KCNIP1: variants seen among roughly 807,000 people sequenced by gnomAD.
KCNIP1 encodes the protein potassium voltage-gated channel interacting protein 1.
KCNIP1 carries 18 observed loss-of-function variants against 33.0 expected under a neutral mutation model. The observed-to-expected ratio is 0.55, with a 90% confidence interval of 0.38 to 0.81. The LOEUF (loss-of-function observed/expected upper bound fraction) is 0.81, where lower values mean the gene tolerates loss of function less well. Among genes scored for constraint, KCNIP1 ranks in the 30% least tolerant of loss-of-function variants. The pLI, the probability that KCNIP1 is intolerant of heterozygous loss-of-function variation, is 0.00. For synonymous variants in KCNIP1, 93 were observed against 98.3 expected (o/e 0.95, Z 0.32); for missense variants, 238 against 271.6 (o/e 0.88, Z 0.87).
In KCNIP1 at chr5:170,725,486, A is replaced by G. The variant is rs143561867; in HGVS notation, c.435+2666A>G. ...CTAAAAATCAAAACAATATGAAGAT[A>G]GAGGGCAGAAGGACGGTTACCAGAG... On this transcript the variant is annotated intron_variant, in intron 5 of 7. Coordinates refer to ENST00000328939, the MANE Select transcript of KCNIP1 (RefSeq NM_014592.4). Among the ~76,000 whole-genome samples, 511 of 152,296 alleles carry G rather than the reference A, an allele frequency of 3.4e-3. 3 individuals are homozygous for G. The highest frequency in any genetic ancestry group is 0.012 in the African/African-American group (489 of 41,566).
chr5:170,649,339 T>C (rs576703675), intron 1 of KCNIP1, among the ~76,000 whole-genome samples: 25 of 152,268 alleles, frequency 1.6e-4, no homozygotes, highest in Admixed American at 4.6e-4. Context: ...TACTATCAAG[T>C]GGTTTTCTCA....
At chr5:170,683,889 AGTGTATGTGTGTGTGTGT>A (rs147671249) in intron 1 of KCNIP1, among the ~76,000 whole-genome samples, 38,205 of 124,534 alleles carry the variant, frequency 0.31, 5,049 homozygotes, top group South Asian at 0.47. Context: ...ATGCCCAGCT[AGTGTATGTGTGTGTGTGT>A]GTGTGTGTGT....
At chr5:170,675,020 G>T (rs1762075612) in intron 1 of KCNIP1, among the ~76,000 whole-genome samples, 1 of 151,880 alleles carries the variant, frequency 6.6e-6, no homozygotes, top group African/African-American at 2.4e-5. Flanking sequence ...AATTGCTCTG[G>T]GCTGGGTACA....
At chr5:170,693,172 T>C (rs1390432422) in intron 1 of KCNIP1, among the ~76,000 whole-genome samples, 1 of 152,160 alleles carries the variant, frequency 6.6e-6, no homozygotes, top group East Asian at 1.9e-4. Context: ...CCCATCCCAC[T>C]CCCTCGCCCT....
intron 1 of KCNIP1, among the ~76,000 whole-genome samples, chr5:170,408,043 T>C (rs1050776128): frequency 6.6e-6 from 1 of 152,210 alleles, no homozygotes; most frequent in Admixed American, 6.5e-5. Flanking sequence ...TAATAGTTTT[T>C]AGCTTCTAGA....
chr5:170,595,598 A>G lies in KCNIP1; in HGVS notation c.61+90965A>G, dbSNP rs114345209. 4.1e-3 allele frequency among the ~76,000 whole-genome samples: 617 copies of G among 152,296 alleles called. 8 individuals are homozygous for G. Among genetic ancestry groups the G allele is most frequent in the African/African-American group, 0.014 (584 of 41,560 alleles). ...ATGGCCTTGAGTGCGTAGGTTTCAG[A>G]ATGTGGGAAGAAGGGGCAAGGAGAA... On this transcript the variant is annotated intron_variant, in intron 1 of 7. Coordinates refer to ENST00000328939, the MANE Select transcript of KCNIP1 (RefSeq NM_014592.4).
At chr5:170,623,179 A>C (rs1759674069) in intron 1 of KCNIP1, among the ~76,000 whole-genome samples, 1 of 150,942 alleles carries the variant, frequency 6.6e-6, no homozygotes, top group African/African-American at 2.4e-5. Context: ...CCACAGACCC[A>C]TCCGTGGCCC....
chr5:170,643,402 C>G (rs991222463), intron 1 of KCNIP1, among the ~76,000 whole-genome samples: 2 of 152,228 alleles, frequency 1.3e-5, no homozygotes, highest in African/African-American at 4.8e-5. Context: ...TATGAGAAAC[C>G]AAAACACCAG....
At chr5:170,636,553 C>G (rs372309806) in intron 1 of KCNIP1, among the ~76,000 whole-genome samples, 39 of 152,250 alleles carry the variant, frequency 2.6e-4, no homozygotes, top group African/African-American at 9.2e-4. Context: ...TCATCAATGG[C>G]TCAATCAATA....
chr5:170,538,011 A>C (rs1756060155), intron 1 of KCNIP1, among the ~76,000 whole-genome samples: 1 of 152,234 alleles, frequency 6.6e-6, no homozygotes, highest in Admixed American at 6.5e-5. Flanking sequence ...TGATGAGTTC[A>C]GCTCAGTGCT....
At chr5:170,470,361 C>A (rs2113132337) in intron 1 of KCNIP1, among the ~76,000 whole-genome samples, 1 of 152,244 alleles carries the variant, frequency 6.6e-6, no homozygotes, top group Non-Finnish European at 1.5e-5. Context: ...CAGAATTGCC[C>A]TATGCCCCCT....
intron 1 of KCNIP1, among the ~76,000 whole-genome samples, chr5:170,554,711 T>C (rs1275529374): frequency 6.6e-6 from 1 of 152,206 alleles, no homozygotes; most frequent in East Asian, 1.9e-4. Flanking sequence ...GAAATTCTTT[T>C]TATGCTCCAT....
At chr5:170,687,186 T>A (rs910404487) in intron 1 of KCNIP1, among the ~76,000 whole-genome samples, 1 of 102,872 alleles carries the variant, frequency 9.7e-6, no homozygotes, top group Non-Finnish European at 1.8e-5. Context: ...CCTGAGTAAA[T>A]TTTTTTTTTT....
chr5:170,385,365 A>G (rs1472650670), intron 1 of KCNIP1: 1 of 1,613,874 alleles, frequency 6.2e-7, no homozygotes, highest in Non-Finnish European at 8.5e-7. Context: ...GTAGGTGATG[A>G]CGGCACACAC....
At chr5:170,722,848 G>C (rs1161648220) in intron 5 of KCNIP1, 28 bp downstream of exon 5, 10 of 1,431,232 alleles carry the variant, frequency 7.0e-6, no homozygotes, top group Non-Finnish European at 9.9e-6. Flanking sequence ...AGGGGTGTGA[G>C]AGGGCTCCAG....
rs80021584 is a variant in KCNIP1, at chr5:170,591,648, T to G, written c.61+87015T>G. 3.6e-3 allele frequency among the ~76,000 whole-genome samples: 549 copies of G among 152,350 alleles called. 3 individuals are homozygous for G. The highest frequency in any genetic ancestry group is 0.013 in the African/African-American group (523 of 41,590). On this transcript the variant is annotated intron_variant, in intron 1 of 7. Transcript: ENST00000328939. ...TCCTAGCAACTACCATTCTATTTTCTATCTCTACAAATTTGACTACTCTAG... is the reference window on the plus strand; with the variant it reads ...TCCTAGCAACTACCATTCTATTTTCGATCTCTACAAATTTGACTACTCTAG...
At chr5:170,358,314 A>C (rs558975790) in intron 1 of KCNIP1, among the ~76,000 whole-genome samples, 1 of 152,268 alleles carries the variant, frequency 6.6e-6, no homozygotes, top group Admixed American at 6.5e-5. Flanking sequence ...TCTCAAGGAC[A>C]AGGCCCTGGA....
intron 1 of KCNIP1, among the ~76,000 whole-genome samples, chr5:170,705,324 C>A (rs539550946): frequency 9.8e-5 from 15 of 152,290 alleles, no homozygotes; most frequent in Non-Finnish European, 1.9e-4. Flanking sequence ...TCTGGGCAGG[C>A]GGATATACAT....
At chr5:170,598,904 C>CGTGTGTGTGTGTGCGCGTGTGTGTGTGT (rs1758570945) in intron 1 of KCNIP1, among the ~76,000 whole-genome samples, 3 of 133,776 alleles carry the variant, frequency 2.2e-5, no homozygotes, top group African/African-American at 8.7e-5. Context: ...TGTGTGTGCG[C>CGTGTGTGTGTGTGCGCGTGTGTGTGTGT]GTGTGTGTGT....
Sources: allele counts gnomAD v4.1 joint callset (sites outside exome capture counted in the v4.1 genomes callset), GRCh38; gene constraint gnomAD v4.1.1; transcripts MANE v1.5; gene names NCBI Gene and HGNC (gene_info 2026-07-23, HGNC 2026-07-21).